The following DNM2 variants were observed in gnomAD, a reference collection of about 807,000 sequenced individuals.
DNM2 encodes the protein dynamin-2.
A neutral mutation model predicts 99.0 loss-of-function variants in DNM2; 15 were observed. The ratio of observed to expected loss-of-function variants is 0.15; its 90% confidence interval spans 0.10 to 0.23. The LOEUF (loss-of-function observed/expected upper bound fraction) is 0.23. Among genes scored for constraint, DNM2 ranks in the 10% least tolerant of loss-of-function variants. The pLI is 1.00. For synonymous variants in DNM2, 525 were observed against 481.2 expected, an observed-to-expected ratio of 1.09 and a Z score of -1.19; for missense variants, 742 against 1,189.4, an observed-to-expected ratio of 0.62 and a Z score of 5.53.
chr19:10,827,090 A>T (rs562885836), intron 18 of DNM2, among the ~76,000 whole-genome samples: 1 of 152,120 alleles, frequency 6.6e-6, no homozygotes, highest in Admixed American at 6.5e-5. Flanking sequence ...TCCCTATTTA[A>T]AACACACACA....
At position 10,817,448 on chromosome 19, in the gene DNM2, T is replaced by C. The variant is rs1482780016; in HGVS notation, c.1672-2532T>C. On this transcript the variant is annotated intron_variant, in intron 15 of 20. Transcript: ENST00000389253. This position sits in a 1 kb window ranked among gnomAD's most constrained non-coding sequence, Gnocchi z 4.6. ...CCAGCCTAACCAATGTGCAGACTAC[T>C]GTACACATTGAGAGCCTCCTGAACA... 5.9e-6 allele frequency: 3 copies of C among 509,288 alleles called. No individual in the cohort carries two copies. The highest frequency in any genetic ancestry group is 1.2e-5 in the Non-Finnish European group (3 of 247,796). 31.5% of individuals were successfully genotyped at this position (509,288 alleles called of 1,614,324 possible). A position where few individuals can be genotyped will look rare whatever the true frequency, so the allele number is the denominator to read the frequency against.
Position 10,795,321 on chromosome 19 carries a change from C to T in DNM2, c.1129-51C>T, listed in dbSNP as rs780000645. Reference sequence around the variant, plus strand: ...ACGTTCCCCAGATGCACGCCTGCCACGGGGGCGCCCCGGGTGCCTCCATGC... The same window carrying T: ...ACGTTCCCCAGATGCACGCCTGCCATGGGGGCGCCCCGGGTGCCTCCATGC... On this transcript the variant is annotated intron_variant, in intron 8 of 20. Coordinates refer to ENST00000389253, the MANE Select transcript of DNM2 (RefSeq NM_001005361.3). This position sits in a 1 kb window ranked among gnomAD's most constrained non-coding sequence, Gnocchi z 4.2. 43 of 1,594,584 alleles carry T rather than the reference C, an allele frequency of 2.7e-5. No individual in the cohort carries two copies. The highest frequency in any genetic ancestry group is 1.3e-4 in the African/African-American group (10 of 74,500).
chr19:10,764,146 C>T lies in DNM2; in HGVS notation c.235+4335C>T, dbSNP rs749864954. ...GTGGCTCCTAGGGATTGGCAGCTGG[C>T]TCTCTGTGACCAAACTCAGAACCAG... On this transcript the variant is annotated intron_variant, in intron 2 of 20. Coordinates refer to ENST00000389253, the MANE Select transcript of DNM2 (RefSeq NM_001005361.3). The surrounding 1 kb of genome is among the most constrained non-coding windows in gnomAD (Gnocchi z 4.1). 1.3e-5 allele frequency among the ~76,000 whole-genome samples: 2 copies of T among 152,156 alleles called. No homozygotes were observed. The highest frequency in any genetic ancestry group is 2.4e-5 in the African/African-American group (1 of 41,432).
At position 10,825,902 on chromosome 19, in the gene DNM2, A is replaced by AT. The variant is rs1247188418; in HGVS notation, c.2058+682dup. ...AGAAGGAGGCCAGGCACCCTAGGCC[A>AT]TACCTGTTTGTAGTCTTAGCACTTT... On this transcript the variant is annotated intron_variant, in intron 18 of 20. Transcript: ENST00000389253. 9.1e-4 allele frequency among the ~76,000 whole-genome samples: 137 copies of AT among 150,294 alleles called. 1 individual carries two copies. Among genetic ancestry groups the AT allele is most frequent in the Non-Finnish European group, 1.5e-5 (1 of 67,742 alleles).
At chr19:10,730,138 G>GTAGA (rs1156415013) in intron 1 of DNM2, among the ~76,000 whole-genome samples, 1 of 152,100 alleles carries the variant, frequency 6.6e-6, no homozygotes, top group Non-Finnish European at 1.5e-5. Context: ...TACTGGGATT[G>GTAGA]TAGACATGAG....
intron 4 of DNM2, among the ~76,000 whole-genome samples, chr19:10,776,897 G>A (rs927800411): frequency 3.3e-5 from 5 of 152,208 alleles, no homozygotes; most frequent in East Asian, 1.9e-4. Context: ...AGTATTTGCC[G>A]TGTGCCAGGC....
rs906380533 is a variant in DNM2, at chr19:10,736,633, GTC to G, written c.161+18238_161+18239del. Among the ~76,000 whole-genome samples the G allele has an allele frequency of 6.0e-4, 91 of 152,278 alleles. 2 individuals are homozygous for G. The highest frequency in any genetic ancestry group is 2.2e-3 in the African/African-American group (90 of 41,556). On this transcript the variant is annotated intron_variant, in intron 1 of 20. Coordinates refer to ENST00000389253, the MANE Select transcript of DNM2 (RefSeq NM_001005361.3). Reference sequence around the variant, plus strand: ...TTGTTTGTTTGTTTGTTTAGACAAAGTCTCTCTCTGGCACCCAGGCTGGTGTG... The same window carrying G: ...TTGTTTGTTTGTTTGTTTAGACAAAGTCTCTCTGGCACCCAGGCTGGTGTG...
At chr19:10,800,922 C>CACGTGCACGTGTGT (rs2072114704) in intron 11 of DNM2, among the ~76,000 whole-genome samples, 1 of 152,246 alleles carries the variant, frequency 6.6e-6, no homozygotes, top group Non-Finnish European at 1.5e-5. Flanking sequence ...TGCGCGCGTG[C>CACGTGCACGTGTGT]ACGTGCACGT....
At chr19:10,718,523 A>C in intron 1 of DNM2, 120 bp downstream of exon 1, 1 of 1,237,676 alleles carries the variant, frequency 8.1e-7, no homozygotes, top group Non-Finnish European at 1.0e-6. Context: ...GCGGCGGGGA[A>C]CCGGACGGGG....
intron 2 of DNM2, among the ~76,000 whole-genome samples, chr19:10,771,688 C>T (rs1300404109): frequency 6.6e-6 from 1 of 152,170 alleles, no homozygotes; most frequent in Non-Finnish European, 1.5e-5. Context: ...AAGGGAGGCT[C>T]TGCAGCATCA....
At chr19:10,802,613 A>T in intron 12 of DNM2, 3 of 541,480 alleles carry the variant, frequency 5.5e-6, no homozygotes, top group Non-Finnish European at 1.0e-5. Context: ...CTATGTTCAG[A>T]TCTGCAGGGA....
intron 1 of DNM2, among the ~76,000 whole-genome samples, chr19:10,740,381 GT>G (rs1249729527): frequency 1.8e-4 from 25 of 140,956 alleles, no homozygotes; most frequent in Admixed American, 4.3e-4. Flanking sequence ...TCTTTTTTTT[GT>G]TTTTTTTTTT....
chr19:10,791,088 T>C (rs1389450038), intron 7 of DNM2, among the ~76,000 whole-genome samples: 1 of 151,744 alleles, frequency 6.6e-6, no homozygotes, highest in African/African-American at 2.4e-5. Flanking sequence ...TTTTTATTTA[T>C]TTTATTTTAT....
At chr19:10,813,054 C>T (rs577373379) in intron 15 of DNM2, among the ~76,000 whole-genome samples, 1 of 152,366 alleles carries the variant, frequency 6.6e-6, no homozygotes, top group African/African-American at 2.4e-5. Context: ...CACCGGGGTT[C>T]CATCACTTAC....
chr19:10,780,893 C>A (rs999124560), intron 5 of DNM2, among the ~76,000 whole-genome samples: 1 of 152,062 alleles, frequency 6.6e-6, no homozygotes, highest in Non-Finnish European at 1.5e-5. Flanking sequence ...TGGTGCATGC[C>A]TGTAATCCCA....
At chr19:10,793,899 C>T (rs1358176902) in intron 8 of DNM2, 44 bp downstream of exon 8, 1 of 1,613,764 alleles carries the variant, frequency 6.2e-7, no homozygotes, top group African/African-American at 1.3e-5. Flanking sequence ...TGGTCAGGCA[C>T]CCTCCTGCTG....
At chr19:10,813,140 CTG>C (rs2146116097) in intron 15 of DNM2, among the ~76,000 whole-genome samples, 1 of 152,344 alleles carries the variant, frequency 6.6e-6, no homozygotes, top group Admixed American at 6.5e-5. Context: ...TCCCTGCCCA[CTG>C]TGCGGTGCTT....
intron 12 of DNM2, among the ~76,000 whole-genome samples, chr19:10,803,188 A>G (rs530602729): frequency 1.3e-5 from 2 of 152,158 alleles, no homozygotes; most frequent in African/African-American, 4.8e-5. Flanking sequence ...GAGGGCGGCC[A>G]CTGGGCCTTG....
At chr19:10,819,652 G>A (rs2072905152) in intron 15 of DNM2, among the ~76,000 whole-genome samples, 1 of 152,186 alleles carries the variant, frequency 6.6e-6, no homozygotes, top group African/African-American at 2.4e-5. Flanking sequence ...CGTGTTGTGT[G>A]AGGGAAAAGG....
Sources: gnomAD v4.1 joint callset for allele counts (sites outside exome capture counted in the v4.1 genomes callset) on GRCh38, gnomAD v4.1.1 for gene constraint, Gnocchi (gnomAD v3.1) non-coding constraint, MANE v1.5 for transcripts, NCBI Gene and HGNC (gene_info 2026-07-23, HGNC 2026-07-21) for gene names.